LRRC4B: variants seen among roughly 807,000 people sequenced by gnomAD.
LRRC4B encodes leucine rich repeat containing 4B, also known as leucine-rich repeat-containing protein 4B.
Under a neutral mutation model 7.3 loss-of-function variants are expected in LRRC4B, and 1 was observed. The ratio of observed to expected loss-of-function variants is 0.14; its 90% CI spans 0.05 to 0.65. The LOEUF is 0.65. LRRC4B is among the 30% of genes least tolerant of loss of function. LRRC4B has a pLI of 0.84. For synonymous variants in LRRC4B, 500 were observed against 499.2 expected (o/e 1.00, Z -0.02); for missense variants, 730 against 1,041.6 (o/e 0.70, Z 4.12).
chr19:50,543,513 A>G (rs1981647467), intron 2 of LRRC4B, among the ~76,000 whole-genome samples: 1 of 152,084 alleles, frequency 6.6e-6, no homozygotes. Flanking sequence ...AGGAAGAATG[A>G]GCCAACGGAT....
chr19:50,551,531 ACTCT>A (rs1474852363), intron 1 of LRRC4B, among the ~76,000 whole-genome samples: 1 of 58,874 alleles, frequency 1.7e-5, no homozygotes, highest in East Asian at 5.0e-4. Flanking sequence ...AGCCCCCTTA[ACTCT>A]CTCTCTGCCC....
In LRRC4B at chr19:50,518,135, C is replaced by T; in HGVS notation, c.1578G>A (p.Arg526=). ...PTTDGVWGGG[R]PGDAAGPASS... ...AGGCAGGGCCGGCCGCGTCCCCAGG[C>T]CGGCCCCCACCCCAGACACCGTCTG... is the stretch of plus-strand genomic sequence containing the variant. Residue 526 remains arginine, a synonymous_variant, in exon 3 of 3, where the codon CGG becomes CGA. Coordinates refer to ENST00000652263, the MANE Select transcript of LRRC4B (RefSeq NM_001080457.2). 1 of 1,597,658 alleles carries T rather than the reference C, an allele frequency of 6.3e-7. No homozygotes were observed. Among genetic ancestry groups the T allele is most frequent in the Non-Finnish European group, 8.5e-7 (1 of 1,175,402 alleles).
intron 1 of LRRC4B, among the ~76,000 whole-genome samples, chr19:50,552,144 T>G (rs1427024383): frequency 6.6e-6 from 1 of 152,034 alleles, no homozygotes; most frequent in East Asian, 1.9e-4. Context: ...ACAGCCTCGT[T>G]GGCTGCATGA....
At chr19:50,543,880 A>G (rs958318023) in intron 2 of LRRC4B, among the ~76,000 whole-genome samples, 3 of 150,610 alleles carry the variant, frequency 2.0e-5, no homozygotes, top group Non-Finnish European at 4.4e-5. Flanking sequence ...AAAAGAAAGA[A>G]AAGAAAAAAG....
intron 2 of LRRC4B, among the ~76,000 whole-genome samples, chr19:50,532,874 C>T (rs1568723017): frequency 6.6e-6 from 1 of 152,188 alleles, no homozygotes; most frequent in Non-Finnish European, 1.5e-5. Context: ...GTGCTGGTCC[C>T]TGTTTCCCTC....
rs1982546960 is a variant in LRRC4B at position 50,563,908 on chromosome 19, C to T, written c.-36+4036G>A. Among the ~76,000 whole-genome samples, 1 of 152,072 alleles carries T rather than the reference C, an allele frequency of 6.6e-6. No individual in the cohort carries two copies. The highest frequency in any genetic ancestry group is 1.5e-5 in the Non-Finnish European group (1 of 68,012). ...CCTGCTCTCGGCAAGGGAAGGAGGC[C>T]ATTTAAGTGGAAACAGGGCCCAGTC... On this transcript the variant is annotated intron_variant, in intron 1 of 2. Coordinates refer to ENST00000652263, the MANE Select transcript of LRRC4B (RefSeq NM_001080457.2). The surrounding 1 kb of genome is among the most constrained non-coding windows in gnomAD (Gnocchi z 4.9).
rs1982537920 is a variant in LRRC4B at position 50,563,603 on chromosome 19, T to G, written c.-36+4341A>C. Among the ~76,000 whole-genome samples the G allele has an allele frequency of 6.6e-6, 1 of 152,150 alleles. No homozygotes were observed. Among genetic ancestry groups the G allele is most frequent in the African/African-American group, 2.4e-5 (1 of 41,436 alleles). ...GGCAGCCCCTGCTCTCCACCTGCTC[T>G]GGGGCCAAATGTGCAGCCTGGTGTA... On this transcript the variant is annotated intron_variant, in intron 1 of 2. Coordinates refer to ENST00000652263, the MANE Select transcript of LRRC4B (RefSeq NM_001080457.2). This position sits in a 1 kb window ranked among gnomAD's most constrained non-coding sequence, Gnocchi z 4.9.
At chr19:50,524,850 G>A (rs1479553227) in intron 2 of LRRC4B, among the ~76,000 whole-genome samples, 1 of 152,228 alleles carries the variant, frequency 6.6e-6, no homozygotes, top group East Asian at 1.9e-4. Context: ...GCTGGCGGCT[G>A]CCCTGTGAGA....
At chr19:50,527,319 A>G (rs1980852234) in intron 2 of LRRC4B, among the ~76,000 whole-genome samples, 1 of 149,398 alleles carries the variant, frequency 6.7e-6, no homozygotes, top group African/African-American at 2.5e-5. Flanking sequence ...GGCATGAGCC[A>G]CCACGCCCGG....
In LRRC4B at chr19:50,517,910, C is replaced by T; in HGVS notation, c.1803G>A (p.Lys601=). Residue 601 remains lysine, a synonymous_variant, in exon 3 of 3, where the codon AAG becomes AAA. Coordinates refer to ENST00000652263, the MANE Select transcript of LRRC4B (RefSeq NM_001080457.2). This position sits in a 1 kb window ranked among gnomAD's most constrained non-coding sequence, Gnocchi z 6.6. The stretch of plus-strand genomic sequence containing the variant: ...CGTGGTGCTTGTGGAGCTGGTGCTG[C>T]TTGCGCAGCTTGTAGAAGGCCACGA... ...VMLVAFYKLR[K]QHQLHKHHGP... 1 of 1,580,790 alleles carries T rather than the reference C, an allele frequency of 6.3e-7. No individual in the cohort carries two copies. The highest frequency in any genetic ancestry group is 1.4e-5 in the African/African-American group (1 of 73,154).
chr19:50,528,598 C>T (rs1980920419), intron 2 of LRRC4B, among the ~76,000 whole-genome samples: 1 of 152,116 alleles, frequency 6.6e-6, no homozygotes, highest in Non-Finnish European at 1.5e-5. Context: ...ACTCGCCTTG[C>T]CCTCCCAAAG....
chr19:50,548,475 G>A lies in LRRC4B; in HGVS notation c.297+67C>T. On this transcript the variant is annotated intron_variant, in intron 2 of 2. Coordinates refer to ENST00000652263, the MANE Select transcript of LRRC4B (RefSeq NM_001080457.2). The surrounding 1 kb of genome is among the most constrained non-coding windows in gnomAD (Gnocchi z 6.8). ...CGGTGTGGGGAGGCCCAGAAGGGAT[G>A]GGCTACATCTGCATGCCTCCCCAGT... is the stretch of plus-strand genomic sequence containing the variant. 6.5e-7 allele frequency: 1 copy of A among 1,535,136 alleles called. No homozygotes were observed. The highest frequency in any genetic ancestry group is 8.7e-7 in the Non-Finnish European group (1 of 1,145,932).
rs1173126263 is a variant in LRRC4B, at chr19:50,519,329, G to A, written c.384C>T (p.Gly128=). The A allele has an allele frequency of 6.2e-6, 10 of 1,612,952 alleles. No homozygotes were observed. In the South Asian group the frequency reaches 7.7e-5, roughly 12 times the overall value. The part of the protein sequence containing the change: ...SKNLVRKIEV[G]AFNGLPSLNT... ...TGAGGCTGGGCAGCCCGTTGAAGGC[G>A]CCCACCTCGATCTTGCGCACCAGGT... is the stretch of plus-strand genomic sequence containing the variant. Residue 128 remains glycine (G), a synonymous_variant, in exon 3 of 3, where the codon GGC becomes GGT. Coordinates refer to ENST00000652263, the MANE Select transcript of LRRC4B (RefSeq NM_001080457.2). The surrounding 1 kb of genome is among the most constrained non-coding windows in gnomAD (Gnocchi z 8.1).
chr19:50,567,758 A>C (rs1380965199), intron 1 of LRRC4B, among the ~76,000 whole-genome samples, 186 bp downstream of exon 1: 7 of 68,510 alleles, frequency 1.0e-4, no homozygotes, highest in African/African-American at 1.2e-4. Flanking sequence ...GAGAACCCCC[A>C]CCCAGTCGCC....
intron 2 of LRRC4B, among the ~76,000 whole-genome samples, chr19:50,541,758 C>T (rs903637847): frequency 3.9e-5 from 6 of 152,172 alleles, no homozygotes; most frequent in African/African-American, 7.2e-5. Flanking sequence ...GAATATCCTA[C>T]GGCCCGGCAA....
chr19:50,544,707 A>G (rs1260251638), intron 2 of LRRC4B, among the ~76,000 whole-genome samples: 1 of 152,070 alleles, frequency 6.6e-6, no homozygotes, highest in Non-Finnish European at 1.5e-5. Flanking sequence ...TTACTTAGGT[A>G]TATTTTCTAG....
In LRRC4B at chr19:50,553,549, G is replaced by T. The variant is rs1189797721; in HGVS notation, c.-35-4676C>A. On this transcript the variant is annotated intron_variant, in intron 1 of 2. Transcript: ENST00000652263. This position sits in a 1 kb window ranked among gnomAD's most constrained non-coding sequence, Gnocchi z 4.2. ...GGGCTCTTGCCCTGCTCTCTATCAG[G>T]TCCGTGCTCCAATGCTACCTTCTCA... Among the ~76,000 whole-genome samples the T allele has an allele frequency of 6.6e-6, 1 of 152,086 alleles. No individual in the cohort carries two copies. Among genetic ancestry groups the T allele is most frequent in the Non-Finnish European group, 1.5e-5 (1 of 68,016 alleles).
Position 50,518,038 on chromosome 19 carries a change from C to T in LRRC4B, c.1675G>A (p.Asp559Asn). 1 of 1,567,294 alleles carries T rather than the reference C, an allele frequency of 6.4e-7. No homozygotes were observed. The highest frequency in any genetic ancestry group is 8.6e-7 in the Non-Finnish European group (1 of 1,160,586). Residue 559 changes from aspartate (D) to asparagine (N), a missense_variant, in exon 3 of 3, where the codon GAT becomes AAT. Around this residue, in one of 6 missense-constraint regions of LRRC4B, gnomAD observed 192 missense variants for 228.6 expected, o/e 0.84. Coordinates refer to ENST00000652263, the MANE Select transcript of LRRC4B (RefSeq NM_001080457.2). ...TEKAFTVPIT[D>N]VTENALKDLD... ...TCCTTGAGGGCGTTCTCCGTCACAT[C>T]CGTGATGGGCACCGTGAACGCCTTC... is the stretch of plus-strand genomic sequence containing the variant.
intron 2 of LRRC4B, among the ~76,000 whole-genome samples, chr19:50,539,886 CAA>C (rs79472746): frequency 0.056 from 5,411 of 97,298 alleles, 335 homozygotes; most frequent in African/African-American, 0.15. Flanking sequence ...GACTCCATCT[CAA>C]AAAAAAAAAA....
Sources: allele counts gnomAD v4.1 joint callset (sites outside exome capture counted in the v4.1 genomes callset), GRCh38; gene constraint gnomAD v4.1.1; regional missense constraint gnomAD v4.1.1; non-coding constraint Gnocchi (gnomAD v3.1); transcripts MANE v1.5; gene names NCBI Gene and HGNC (gene_info 2026-07-23, HGNC 2026-07-21).